The following BTAF1 variants were observed in gnomAD, a reference collection of about 807,000 sequenced individuals.
BTAF1 encodes the protein TATA-binding protein-associated factor 172.
A neutral mutation model predicts 227.1 loss-of-function variants in BTAF1; 38 were observed. The ratio of observed to expected loss-of-function variants is 0.17; its 90% CI spans 0.13 to 0.22. The LOEUF is 0.22. BTAF1 is among the 10% of genes least tolerant of loss of function. The pLI is 1.00. For synonymous variants in BTAF1, 742 were observed against 751.9 expected, an observed-to-expected ratio of 0.99 and a Z score of 0.21; for missense variants, 1,598 against 2,204.0, an observed-to-expected ratio of 0.73 and a Z score of 5.51.
chr10:91,975,425 AG>A (rs1847615342), intron 14 of BTAF1, among the ~76,000 whole-genome samples: 1 of 152,266 alleles, frequency 6.6e-6, no homozygotes, highest in Admixed American at 6.5e-5. Context: ...AAATATGAAA[AG>A]GAGAGAGCAA....
intron 4 of BTAF1, among the ~76,000 whole-genome samples, chr10:91,949,670 T>A (rs1378651895): frequency 6.6e-6 from 1 of 152,146 alleles, no homozygotes; most frequent in African/African-American, 2.4e-5. Flanking sequence ...TTGTCTGGAG[T>A]CTGCTCTGGG....
rs867454957 is a variant in BTAF1, at chr10:91,950,154, G to T, written c.401-1249G>T. 5.7e-3 allele frequency among the ~76,000 whole-genome samples: 517 copies of T among 90,338 alleles called. 31 individuals carry two copies. The highest frequency in any genetic ancestry group is 0.019 in the South Asian group (26 of 1,390). The allele number at this position is 90,338 out of a possible 152,430, so 59.3% of individuals were successfully genotyped here. ...TGAGAGACCTTGTCCTTTGTGGGGG[G>T]GGGCGGGAAAGAAGACTAGGTTTTT... On this transcript the variant is annotated intron_variant, in intron 4 of 37. Transcript: ENST00000265990.
chr10:91,970,375 G>A (rs1475550095), intron 14 of BTAF1, among the ~76,000 whole-genome samples: 1 of 152,034 alleles, frequency 6.6e-6, no homozygotes, highest in African/African-American at 2.4e-5. Flanking sequence ...CCTGAGACTG[G>A]GCAATTTACA....
intron 18 of BTAF1, among the ~76,000 whole-genome samples, chr10:91,983,557 G>A (rs924151797): frequency 2.6e-5 from 4 of 152,200 alleles, no homozygotes; most frequent in African/African-American, 7.2e-5. Context: ...GTGATGCTAT[G>A]TTTTTGTGCC....
intron 34 of BTAF1, among the ~76,000 whole-genome samples, chr10:92,020,243 T>C (rs1385668028): frequency 2.6e-5 from 4 of 152,194 alleles, no homozygotes; most frequent in African/African-American, 9.7e-5. Flanking sequence ...TTATAATTCA[T>C]GTCGATGTGG....
intron 34 of BTAF1, among the ~76,000 whole-genome samples, chr10:92,024,475 A>G (rs1348024130): frequency 6.6e-6 from 1 of 152,116 alleles, no homozygotes; most frequent in Admixed American, 6.6e-5. Flanking sequence ...ACTTGAGCTC[A>G]GGAGTTCAAG....
chr10:91,959,295 C>T (rs1846318549), intron 9 of BTAF1, 141 bp downstream of exon 9: 3 of 1,448,544 alleles, frequency 2.1e-6, no homozygotes, highest in Non-Finnish European at 2.7e-6. Flanking sequence ...AAATATCATA[C>T]AATGGATTGA....
intron 34 of BTAF1, among the ~76,000 whole-genome samples, chr10:92,021,772 C>A (rs1183069103): frequency 2.0e-5 from 3 of 152,064 alleles, no homozygotes; most frequent in African/African-American, 7.2e-5. Context: ...TCTCGCTCTC[C>A]TGACCTCATG....
intron 7 of BTAF1, 91 bp downstream of exon 7, chr10:91,956,748 G>A: frequency 7.1e-7 from 1 of 1,399,576 alleles, no homozygotes. Context: ...CCAGCACTTT[G>A]GGAGGTCGAG....
At chr10:92,003,934 T>C (rs915190736) in intron 25 of BTAF1, among the ~76,000 whole-genome samples, 10 of 152,218 alleles carry the variant, frequency 6.6e-5, no homozygotes, top group Non-Finnish European at 4.4e-5. Flanking sequence ...TAATAGCTAT[T>C]CTAACAGTTC....
Position 91,982,157 on chromosome 10 carries a change from C to T in BTAF1, c.1980C>T (p.Ala660=), listed in dbSNP as rs746566608. 25 of 1,613,684 alleles carry T rather than the reference C, an allele frequency of 1.5e-5. No individual in the cohort carries two copies. The highest frequency in any genetic ancestry group is 1.0e-4 in the Admixed American group (6 of 59,966). Residue 660 remains alanine (A), a synonymous_variant, in exon 17 of 38, where the codon GCC becomes GCT. Transcript: ENST00000265990. The stretch of plus-strand genomic sequence containing the variant: ...TACTTCAGGAGTATATTGCAGGTGC[C>T]GACACCATCATGGAAGACCCAGCCA... The part of the protein sequence containing the change: ...KEVLQEYIAG[A]DTIMEDPATR...
At chr10:92,011,900 T>C (rs1019157866) in intron 30 of BTAF1, among the ~76,000 whole-genome samples, 7 of 152,040 alleles carry the variant, frequency 4.6e-5, no homozygotes, top group Non-Finnish European at 1.5e-5. Flanking sequence ...GAAATTATCT[T>C]GTCCTCCAGA....
intron 14 of BTAF1, among the ~76,000 whole-genome samples, chr10:91,970,025 A>T (rs572746435): frequency 3.3e-5 from 5 of 149,654 alleles, no homozygotes; most frequent in African/African-American, 1.2e-4. Context: ...ATTGGCTTTT[A>T]AAATTTCCTG....
chr10:92,025,122 T>A (rs143265398), intron 35 of BTAF1, among the ~76,000 whole-genome samples, 155 bp downstream of exon 35: 2,218 of 152,228 alleles, frequency 0.015, 30 homozygotes, highest in South Asian at 0.038. Flanking sequence ...ACTATAGAAC[T>A]ACATAAATAT....
At chr10:92,016,598 C>T (rs1004151964) in intron 33 of BTAF1, 133 bp downstream of exon 33, 7 of 676,256 alleles carry the variant, frequency 1.0e-5, no homozygotes, top group Non-Finnish European at 1.6e-5. Flanking sequence ...GCCTCAGACT[C>T]CTGAGTAGCT....
intron 4 of BTAF1, among the ~76,000 whole-genome samples, chr10:91,950,147 G>GTGT (rs1554851557): frequency 0.33 from 11,550 of 35,250 alleles, 1,726 homozygotes; most frequent in Non-Finnish European, 0.5. Flanking sequence ...CTTGTCCTTT[G>GTGT]TGGGGGGGGG....
At chr10:91,964,002 C>T in intron 12 of BTAF1, 75 bp from the exon 13 acceptor site, 1 of 1,539,154 alleles carries the variant, frequency 6.5e-7, no homozygotes, top group Admixed American at 1.7e-5. Context: ...GTAGTGACCC[C>T]TGGGATACCA....
At chr10:91,962,805 C>T (rs1846615336) in intron 12 of BTAF1, 127 bp downstream of exon 12, 1 of 690,922 alleles carries the variant, frequency 1.4e-6, no homozygotes. Context: ...CAACAGCCCT[C>T]TGATGCATGC....
chr10:92,016,543 A>G, intron 33 of BTAF1, 78 bp downstream of exon 33: 1 of 1,273,236 alleles, frequency 7.9e-7, no homozygotes, highest in Non-Finnish European at 1.0e-6. Context: ...CAGTGGCATG[A>G]TCTCGGCTCA....
Sources: allele counts gnomAD v4.1 joint callset (sites outside exome capture counted in the v4.1 genomes callset), GRCh38; gene constraint gnomAD v4.1.1; transcripts MANE v1.5; gene names NCBI Gene and HGNC (gene_info 2026-07-23, HGNC 2026-07-21).